The following CYBB variants were observed in gnomAD, a reference collection of about 807,000 sequenced individuals.
The protein encoded by CYBB is cytochrome b-245 beta chain.
CYBB carries 5 observed loss-of-function variants against 46.5 expected under a neutral mutation model. The observed-to-expected ratio is 0.11, with a 90% CI of 0.06 to 0.23. The LOEUF is 0.23. CYBB is among the 10% of genes least tolerant of loss of function. The pLI is 1.00. For missense variants in CYBB, 307 were observed against 428.3 expected, an observed-to-expected ratio of 0.72 and a Z score of 2.50; for synonymous variants, 183 against 156.7, an observed-to-expected ratio of 1.17 and a Z score of -1.26.
chrX:37,783,123 G>A (rs1248202905), intron 2 of CYBB, among the ~76,000 whole-genome samples: 1 of 111,382 alleles, frequency 9.0e-6, no homozygotes, highest in African/African-American at 3.3e-5. Flanking sequence ...ACTTTGAAAT[G>A]CATCAAAAAT....
At chrX:37,792,383 T>G (rs1352715142) in intron 4 of CYBB, among the ~76,000 whole-genome samples, 1 of 111,185 alleles carries the variant, frequency 9.0e-6, no homozygotes, top group African/African-American at 3.3e-5. Context: ...GAAAACTTAT[T>G]TATTCTAAAA....
intron 8 of CYBB, among the ~76,000 whole-genome samples, 161 bp from the exon 9 acceptor site, chrX:37,803,716 C>T (rs1305589021): frequency 9.0e-6 from 1 of 111,524 alleles, no homozygotes; most frequent in Non-Finnish European, 1.9e-5. Context: ...CAACTGAGGG[C>T]AATTCCCTGT....
At chrX:37,782,433 G>C (rs1290327233) in intron 2 of CYBB, among the ~76,000 whole-genome samples, 14 of 112,374 alleles carry the variant, frequency 1.2e-4, no homozygotes, top group African/African-American at 3.9e-4. Context: ...CCATTGTTTA[G>C]CTTAAAGGAG....
intron 1 of CYBB, among the ~76,000 whole-genome samples, chrX:37,780,402 A>T (rs1928924608): frequency 9.0e-6 from 1 of 111,345 alleles, no homozygotes; most frequent in African/African-American, 3.3e-5. Flanking sequence ...CATGCTAATG[A>T]TCTCTGATTC....
chrX:37,784,162 G>C (rs1340043487), intron 3 of CYBB, among the ~76,000 whole-genome samples: 1 of 111,548 alleles, frequency 9.0e-6, no homozygotes, highest in Non-Finnish European at 1.9e-5. Flanking sequence ...TACTGTGCTA[G>C]AAGGGGGAAA....
chrX:37,780,177 G>T (rs1928918756), intron 1 of CYBB, 55 bp downstream of exon 1: 1 of 1,033,128 alleles, frequency 9.7e-7, no homozygotes, highest in East Asian at 3.1e-5. Flanking sequence ...GGGTTATCTT[G>T]GAACTAAAAT....
At chrX:37,780,267 A>G in intron 1 of CYBB, 145 bp downstream of exon 1, 1 of 507,173 alleles carries the variant, frequency 2.0e-6, no homozygotes, top group East Asian at 3.7e-5. Context: ...CTGTAAACAG[A>G]CTGAGTCCAT....
chrX:37,813,208 C>CTTTTTTTTTT lies in CYBB; in HGVS notation c.*2305_*2314dup, dbSNP rs11338914. 1.6e-5 allele frequency: 1 copy of CTTTTTTTTTT among 64,182 alleles called. No individual in the cohort carries two copies. The highest frequency in any genetic ancestry group is 2.9e-5 in the Non-Finnish European group (1 of 34,887). 5.3% of individuals were successfully genotyped at this position (64,182 alleles called of 1,213,427 possible). On this transcript the variant is annotated 3_prime_UTR_variant, in exon 13 of 13. Transcript: ENST00000378588. The stretch of plus-strand genomic sequence containing the variant: ...CACCAGCAGCCAGCTGCCAGCCTAG[C>CTTTTTTTTTT]TTTTTTTTTTTTTTTTTTTTTTTAG...
chrX:37,795,933 T>A lies in CYBB; in HGVS notation c.484-18T>A. 2 of 1,076,158 alleles carry A rather than the reference T, an allele frequency of 1.9e-6. No individual in the cohort carries two copies. Among genetic ancestry groups the A allele is most frequent in the Non-Finnish European group, 2.6e-6 (2 of 779,984 alleles). The allele number at this position is 1,076,158 out of a possible 1,213,427, so 88.7% of individuals were successfully genotyped here. ...GTGTGTGTGTGTGTGTGTGTGTGTG[T>A]GTGTTTATATTTTACAGAACCCTGA... is the stretch of plus-strand genomic sequence containing the variant. On this transcript the variant is annotated intron_variant, in intron 5 of 12. Coordinates refer to ENST00000378588, the MANE Select transcript of CYBB (RefSeq NM_000397.4).
Position 37,804,012 on chromosome X carries a change from G to A in CYBB, c.1033G>A (p.Ala345Thr), listed in dbSNP as rs1307931082. ...GTGGCACCCTTTTACACTGACATCC[G>A]CCCCTGAGGAAGACTTCTTTAGTAT... Reference protein sequence around the residue: ...LEWHPFTLTSAPEEDFFSIHI... With the variant: ...LEWHPFTLTSTPEEDFFSIHI... Residue 345 changes from alanine to threonine, a missense_variant, in exon 9 of 13, where the codon GCC becomes ACC. Transcript: ENST00000378588. 13 of 1,209,293 alleles carry A rather than the reference G, an allele frequency of 1.1e-5. No individual in the cohort carries two copies. The highest frequency in any genetic ancestry group is 1.5e-5 in the Non-Finnish European group (13 of 894,920).
Position 37,780,702 on chromosome X carries a change from T to C in CYBB, c.45+580T>C, listed in dbSNP as rs782073318. ...AATAAGTCATCTAGATTCATAAATA[T>C]GTAGTATGTATATTTATATATAATT... On this transcript the variant is annotated intron_variant, in intron 1 of 12. Coordinates refer to ENST00000378588, the MANE Select transcript of CYBB (RefSeq NM_000397.4). Among the ~76,000 whole-genome samples, 197 of 108,798 alleles carry C rather than the reference T, an allele frequency of 1.8e-3. 1 individual carries two copies. The highest frequency in any genetic ancestry group is 3.6e-3 in the Admixed American group (36 of 10,059). The allele number at this position is 108,798 out of a possible 115,157, so 94.5% of individuals were successfully genotyped here.
chrX:37,801,767 C>T (rs1340028865), intron 8 of CYBB, among the ~76,000 whole-genome samples: 1 of 110,343 alleles, frequency 9.1e-6, no homozygotes, highest in Non-Finnish European at 1.9e-5. Flanking sequence ...CCAAAAGAAC[C>T]AGAGATCTAA....
chrX:37,806,315 G>T (rs927008037), intron 10 of CYBB, 72 bp from the exon 11 acceptor site: 3 of 1,089,846 alleles, frequency 2.8e-6, no homozygotes, highest in Non-Finnish European at 2.5e-6. Context: ...GTGACAGAAA[G>T]TGGAATTCCA....
rs373027476 is a variant in CYBB at position 37,803,975 on chromosome X, G to T, written c.996G>T (p.Val332=). ...ACATTTTTGTCAAGTGCCCAAAGGT[G>T]TCCAAGCTGGAGTGGCACCCTTTTA... ...GQYIFVKCPK[V]SKLEWHPFTL... is the part of the protein sequence containing the mutation. Residue 332 remains valine (V), a synonymous_variant, in exon 9 of 13, where the codon GTG becomes GTT. Transcript: ENST00000378588. 6.6e-6 allele frequency: 8 copies of T among 1,211,230 alleles called. No homozygotes were observed. Among genetic ancestry groups the T allele is most frequent in the Non-Finnish European group, 8.9e-6 (8 of 895,179 alleles).
At chrX:37,789,574 T>C (rs1269632645) in intron 3 of CYBB, among the ~76,000 whole-genome samples, 23 of 101,904 alleles carry the variant, frequency 2.3e-4, no homozygotes, top group Non-Finnish European at 4.1e-4. Context: ...ACATGGCAAT[T>C]GGGAAACAGG....
At chrX:37,803,261 C>T (rs1929482715) in intron 8 of CYBB, among the ~76,000 whole-genome samples, 1 of 110,566 alleles carries the variant, frequency 9.0e-6, no homozygotes, top group Non-Finnish European at 1.9e-5. Context: ...AAAGTTATTG[C>T]GGTTTTTGCC....
At chrX:37,800,314 C>T (rs1471064225) in intron 7 of CYBB, among the ~76,000 whole-genome samples, 1 of 111,515 alleles carries the variant, frequency 9.0e-6, no homozygotes, top group African/African-American at 3.3e-5. Flanking sequence ...TTTTATATAT[C>T]TATCCCATTA....
At chrX:37,805,866 G>A (rs782569240) in intron 10 of CYBB, among the ~76,000 whole-genome samples, 1 of 111,764 alleles carries the variant, frequency 8.9e-6, no homozygotes, top group Non-Finnish European at 1.9e-5. Flanking sequence ...TAAACCTCAG[G>A]CCATTCTAAT....
rs2146815243 is a variant in CYBB at position 37,801,307 on chromosome X, G to A, written c.856G>A (p.Val286Met). The A allele has an allele frequency of 8.3e-7, 1 of 1,209,191 alleles. No individual in the cohort carries two copies. Among genetic ancestry groups the A allele is most frequent in the Non-Finnish European group, 1.1e-6 (1 of 893,581 alleles). The change falls in exon 8 of 13, where the codon GTG becomes ATG. Residue 286 changes from valine to methionine, a missense_variant. By Grantham distance (21) the Val-to-Met change is conservative. Around this residue, in one of 3 missense-constraint regions of CYBB, gnomAD observed 82 missense variants for 69.9 expected, o/e 1.17. Transcript: ENST00000378588. ...GTTTCTGTATCTCTGTGAGAGGTTGGTGCGGTTTTGGCGATCTCAACAGAA... is the reference window on the plus strand; with the variant it reads ...GTTTCTGTATCTCTGTGAGAGGTTGATGCGGTTTTGGCGATCTCAACAGAA... Reference protein sequence around the residue: ...PMFLYLCERLVRFWRSQQKVV... With the variant: ...PMFLYLCERLMRFWRSQQKVV...
Sources: gnomAD v4.1 joint callset for allele counts (sites outside exome capture counted in the v4.1 genomes callset) on GRCh38, gnomAD v4.1.1 for gene constraint, gnomAD v4.1.1 regional missense constraint, MANE v1.5 for transcripts, NCBI Gene and HGNC (gene_info 2026-07-23, HGNC 2026-07-21) for gene names.